The following SLC9A9 variants were observed in gnomAD, a reference collection of about 807,000 sequenced individuals.
SLC9A9 encodes sodium/hydrogen exchanger 9.
Under a neutral mutation model 77.8 loss-of-function variants are expected in SLC9A9, and 62 were observed. That is an observed-to-expected ratio of 0.80 (90% CI 0.65 to 0.98). The LOEUF (loss-of-function observed/expected upper bound fraction) is 0.98, where lower values mean the gene tolerates loss of function less well. SLC9A9 is among the 50% of genes least tolerant of loss of function. The pLI, the probability that SLC9A9 is intolerant of heterozygous loss-of-function variation, is 0.00. For synonymous variants in SLC9A9, 320 were observed against 283.5 expected (o/e 1.13, Z -1.29); for missense variants, 775 against 774.9 (o/e 1.00, Z 0.00).
At chr3:143,339,577 A>G (rs1281380590) in intron 14 of SLC9A9, among the ~76,000 whole-genome samples, 1 of 151,880 alleles carries the variant, frequency 6.6e-6, no homozygotes, top group South Asian at 2.1e-4. Context: ...TAAATAAATT[A>G]CTCTTCAGAT....
chr3:143,699,886 CA>C (rs1395422648), intron 4 of SLC9A9, among the ~76,000 whole-genome samples: 4 of 152,048 alleles, frequency 2.6e-5, no homozygotes, highest in Non-Finnish European at 4.4e-5. Flanking sequence ...ACCCCTCCTT[CA>C]ACCGTAGGCT....
chr3:143,568,855 T>C (rs2037213263), intron 8 of SLC9A9, among the ~76,000 whole-genome samples: 2 of 152,184 alleles, frequency 1.3e-5, no homozygotes, highest in South Asian at 4.1e-4. Context: ...ATAAATCAAA[T>C]AGTGCAGTGC....
At chr3:143,297,836 T>C (rs956638060) in intron 14 of SLC9A9, among the ~76,000 whole-genome samples, 1 of 152,224 alleles carries the variant, frequency 6.6e-6, no homozygotes, top group African/African-American at 2.4e-5. Flanking sequence ...TGTAACTTTA[T>C]TGAATTCCTT....
intron 9 of SLC9A9, chr3:143,517,737 T>C: frequency 1.3e-6 from 2 of 1,597,962 alleles, no homozygotes; most frequent in Non-Finnish European, 1.7e-6. Context: ...ATGGCAGCAC[T>C]TGGCTTCTGT....
At chr3:143,597,020 C>T (rs1024106479) in intron 6 of SLC9A9, among the ~76,000 whole-genome samples, 9 of 152,082 alleles carry the variant, frequency 5.9e-5, no homozygotes, top group African/African-American at 2.2e-4. Context: ...TTCTATGTTC[C>T]TCTTCACTTA....
At chr3:143,566,694 A>G (rs1482566964) in intron 8 of SLC9A9, among the ~76,000 whole-genome samples, 4 of 152,146 alleles carry the variant, frequency 2.6e-5, no homozygotes, top group African/African-American at 9.7e-5. Context: ...CAATGAACAT[A>G]AAATTGCCCT....
intron 14 of SLC9A9, among the ~76,000 whole-genome samples, chr3:143,284,524 C>G (rs1938324691): frequency 6.6e-6 from 1 of 151,734 alleles, no homozygotes; most frequent in African/African-American, 2.4e-5. Flanking sequence ...AGAATTTTCC[C>G]TCATTTATAT....
At chr3:143,797,010 C>A in intron 2 of SLC9A9, 107 bp from the exon 3 acceptor site, 1 of 809,878 alleles carries the variant, frequency 1.2e-6, no homozygotes. Flanking sequence ...CTTTGTGAGG[C>A]ATATTAACTA....
chr3:143,280,795 T>C (rs962653516), intron 14 of SLC9A9, among the ~76,000 whole-genome samples: 1 of 152,072 alleles, frequency 6.6e-6, no homozygotes, highest in African/African-American at 2.4e-5. Flanking sequence ...TCAGGTGACC[T>C]GCCTGCCTTG....
intron 4 of SLC9A9, among the ~76,000 whole-genome samples, chr3:143,714,702 A>G (rs2108798732): frequency 6.6e-6 from 1 of 152,314 alleles, no homozygotes; most frequent in South Asian, 2.1e-4. Context: ...CATGTGCCCC[A>G]AGAGGCTGAT....
intron 9 of SLC9A9, among the ~76,000 whole-genome samples, chr3:143,523,012 C>A (rs1337998310): frequency 6.6e-6 from 1 of 152,030 alleles, no homozygotes; most frequent in Non-Finnish European, 1.5e-5. Context: ...GGTCCCAGGT[C>A]ATTGCTTATT....
intron 12 of SLC9A9, among the ~76,000 whole-genome samples, chr3:143,437,507 G>A (rs2034644724): frequency 6.6e-6 from 1 of 152,232 alleles, no homozygotes; most frequent in Non-Finnish European, 1.5e-5. Flanking sequence ...TTTGAGGCAC[G>A]ATAGTGTATT....
At chr3:143,831,790 A>G (rs569880290) in intron 2 of SLC9A9, among the ~76,000 whole-genome samples, 14 of 152,178 alleles carry the variant, frequency 9.2e-5, no homozygotes, top group Admixed American at 2.0e-4. Flanking sequence ...AACAAAAAAG[A>G]AAACCTTTCT....
At chr3:143,319,852 G>A (rs981369521) in intron 14 of SLC9A9, among the ~76,000 whole-genome samples, 1 of 152,230 alleles carries the variant, frequency 6.6e-6, no homozygotes, top group Non-Finnish European at 1.5e-5. Context: ...GTCAAGGTCT[G>A]GTGGGACTAG....
chr3:143,503,273 G>A (rs1334519234), intron 9 of SLC9A9: 1 of 257,296 alleles, frequency 3.9e-6, no homozygotes, highest in East Asian at 1.3e-4. Context: ...GGGGCTGGTG[G>A]TCTAGGAGGC....
At chr3:143,377,340 C>T (rs1366887145) in intron 13 of SLC9A9, among the ~76,000 whole-genome samples, 1 of 152,224 alleles carries the variant, frequency 6.6e-6, no homozygotes, top group Non-Finnish European at 1.5e-5. Context: ...TTACACCTTT[C>T]ATATTTTTAC....
intron 4 of SLC9A9, among the ~76,000 whole-genome samples, chr3:143,766,110 A>G (rs1368739579): frequency 1.3e-5 from 2 of 152,214 alleles, no homozygotes; most frequent in Non-Finnish European, 2.9e-5. Flanking sequence ...TATTGTCTTA[A>G]GCTACTGAGT....
chr3:143,735,202 T>C (rs1433275747), intron 4 of SLC9A9, among the ~76,000 whole-genome samples: 1 of 152,166 alleles, frequency 6.6e-6, no homozygotes, highest in African/African-American at 2.4e-5. Flanking sequence ...AAAGCAATCG[T>C]TGAGAATCAG....
chr3:143,608,098 A>G (rs1481178820), intron 6 of SLC9A9, among the ~76,000 whole-genome samples: 2 of 152,220 alleles, frequency 1.3e-5, no homozygotes, highest in African/African-American at 4.8e-5. Context: ...AGAATTACCA[A>G]TATGGATAAA....
Sources: gnomAD v4.1 joint callset for allele counts (sites outside exome capture counted in the v4.1 genomes callset) on GRCh38, gnomAD v4.1.1 for gene constraint, MANE v1.5 for transcripts, NCBI Gene and HGNC (gene_info 2026-07-23, HGNC 2026-07-21) for gene names.